Variants in GKAP1 observed in about 807,000 individuals in gnomAD.
The protein encoded by GKAP1 is G kinase-anchoring protein 1.
A neutral mutation model predicts 56.7 loss-of-function variants in GKAP1; 31 were observed. The ratio of observed to expected loss-of-function variants is 0.55; its 90% CI spans 0.41 to 0.74. The LOEUF (loss-of-function observed/expected upper bound fraction) is 0.74, where lower values mean the gene tolerates loss of function less well. GKAP1 is among the 30% of genes least tolerant of loss of function. The pLI is 0.00. For synonymous variants in GKAP1, 151 were observed against 138.6 expected (o/e 1.09, Z -0.63); for missense variants, 364 against 402.3 (o/e 0.90, Z 0.82).
At chr9:83,755,854 G>A (rs1170103287) in intron 8 of GKAP1, among the ~76,000 whole-genome samples, 1 of 139,286 alleles carries the variant, frequency 7.2e-6, no homozygotes, top group Non-Finnish European at 1.5e-5. Context: ...TCCCAGGCTA[G>A]AGTACGGTGG....
chr9:83,740,902 G>C (rs541493959), intron 12 of GKAP1, among the ~76,000 whole-genome samples: 1 of 151,912 alleles, frequency 6.6e-6, no homozygotes, highest in African/African-American at 2.4e-5. Flanking sequence ...AACAATACTC[G>C]CACATAAGAA....
At chr9:83,808,578 G>C (rs371924857) in intron 2 of GKAP1, among the ~76,000 whole-genome samples, 1 of 152,004 alleles carries the variant, frequency 6.6e-6, no homozygotes, top group East Asian at 1.9e-4. Flanking sequence ...CCTGAGCAAC[G>C]GAGTCAGACT....
intron 9 of GKAP1, among the ~76,000 whole-genome samples, chr9:83,752,033 T>C (rs1943398748): frequency 6.6e-6 from 1 of 152,136 alleles, no homozygotes; most frequent in African/African-American, 2.4e-5. Context: ...ACAAAATATA[T>C]ACACACAATG....
intron 5 of GKAP1, among the ~76,000 whole-genome samples, chr9:83,787,612 C>T (rs527861853): frequency 9.2e-5 from 14 of 152,286 alleles, no homozygotes; most frequent in African/African-American, 2.9e-4. Context: ...TTATGATCAA[C>T]CACTGAGTAA....
chr9:83,814,031 C>T (rs1944547961), intron 2 of GKAP1, among the ~76,000 whole-genome samples: 2 of 151,426 alleles, frequency 1.3e-5, no homozygotes, highest in Non-Finnish European at 2.9e-5. Flanking sequence ...GCCTGGGGGT[C>T]GAGGCTGTAG....
intron 12 of GKAP1, among the ~76,000 whole-genome samples, chr9:83,740,901 C>T (rs781313659): frequency 3.3e-5 from 5 of 151,998 alleles, no homozygotes; most frequent in Non-Finnish European, 7.4e-5. Context: ...AAACAATACT[C>T]GCACATAAGA....
chr9:83,788,922 T>C (rs937956769), intron 4 of GKAP1: 7 of 286,032 alleles, frequency 2.4e-5, no homozygotes, highest in East Asian at 2.3e-4. Flanking sequence ...ATATATGATA[T>C]AATCTTACTT....
intron 8 of GKAP1, 143 bp downstream of exon 8, chr9:83,768,675 C>A: frequency 4.4e-6 from 3 of 688,960 alleles, no homozygotes; most frequent in South Asian, 3.7e-5. Context: ...AATATAAATA[C>A]CTTTGCGTGA....
At chr9:83,751,557 A>G (rs1943389539) in intron 9 of GKAP1, among the ~76,000 whole-genome samples, 2 of 152,206 alleles carry the variant, frequency 1.3e-5, no homozygotes, top group African/African-American at 4.8e-5. Flanking sequence ...AGTAGGGATG[A>G]TTCTTAAAGG....
chr9:83,774,136 G>T (rs1943810945), intron 7 of GKAP1, among the ~76,000 whole-genome samples: 1 of 151,914 alleles, frequency 6.6e-6, no homozygotes, highest in African/African-American at 2.4e-5. Flanking sequence ...CTCCCAAAGT[G>T]CTGGGATTAC....
Position 83,774,702 on chromosome 9 carries a change from CTTTTTT to C in GKAP1, c.585+5674_585+5679del, listed in dbSNP as rs1168792305. On this transcript the variant is annotated intron_variant, in intron 7 of 12. Coordinates refer to ENST00000376371, the MANE Select transcript of GKAP1 (RefSeq NM_025211.4). ...GAAACTATCAATAAACAGAAACCCCCTTTTTTTTTTTTTTTTTTTTTTTTTTGAGAC... is the reference window on the plus strand; with the variant it reads ...GAAACTATCAATAAACAGAAACCCCCTTTTTTTTTTTTTTTTTTTTGAGAC... Among the ~76,000 whole-genome samples, 108 of 104,920 alleles carry C rather than the reference CTTTTTT, an allele frequency of 1.0e-3. 1 individual carries two copies. The highest frequency in any genetic ancestry group is 3.7e-3 in the African/African-American group (101 of 27,534). The allele number at this position is 104,920 out of a possible 152,430, so 68.8% of individuals were successfully genotyped here. A position where few individuals can be genotyped will look rare whatever the true frequency, so the allele number is the denominator to read the frequency against.
chr9:83,787,161 T>C (rs1944078812), intron 5 of GKAP1, among the ~76,000 whole-genome samples: 1 of 152,376 alleles, frequency 6.6e-6, no homozygotes. Flanking sequence ...GAAACACATA[T>C]AATATATACA....
intron 4 of GKAP1, among the ~76,000 whole-genome samples, chr9:83,797,039 AT>A (rs745637507): frequency 1.3e-5 from 2 of 152,212 alleles, no homozygotes; most frequent in Non-Finnish European, 2.9e-5. Context: ...CTTTTCTTCC[AT>A]TGATACAAGA....
chr9:83,813,582 G>T (rs527428118), intron 2 of GKAP1, among the ~76,000 whole-genome samples: 1 of 152,230 alleles, frequency 6.6e-6, no homozygotes, highest in South Asian at 2.1e-4. Context: ...TAGCAAAACC[G>T]TATCTCATAA....
chr9:83,774,151 G>A (rs956529390), intron 7 of GKAP1, among the ~76,000 whole-genome samples: 9 of 151,992 alleles, frequency 5.9e-5, no homozygotes, highest in South Asian at 4.2e-4. Context: ...GATTACAGGC[G>A]TGAGCCACTG....
At chr9:83,804,403 G>T (rs1441388732) in intron 3 of GKAP1, among the ~76,000 whole-genome samples, 4 of 130,866 alleles carry the variant, frequency 3.1e-5, no homozygotes, top group Admixed American at 7.4e-5. Flanking sequence ...GGTGGGGGGG[G>T]TCAGCCCCCC....
At chr9:83,804,842 A>T (rs1257114270) in intron 3 of GKAP1, among the ~76,000 whole-genome samples, 2 of 42,544 alleles carry the variant, frequency 4.7e-5, no homozygotes, top group Non-Finnish European at 8.4e-5. Flanking sequence ...TCCGGGAGGG[A>T]GGTGGGGGGT....
intron 10 of GKAP1, among the ~76,000 whole-genome samples, chr9:83,743,032 G>T (rs944362744): frequency 2.6e-5 from 4 of 151,768 alleles, no homozygotes; most frequent in African/African-American, 9.7e-5. Flanking sequence ...GTGTGGTGGC[G>T]CATGCCTGTA....
At chr9:83,748,017 T>C (rs1163871775) in intron 10 of GKAP1, among the ~76,000 whole-genome samples, 1 of 152,142 alleles carries the variant, frequency 6.6e-6, no homozygotes, top group Non-Finnish European at 1.5e-5. Flanking sequence ...CACATAATAA[T>C]CATATATATT....
Sources: gnomAD v4.1 joint callset for allele counts (sites outside exome capture counted in the v4.1 genomes callset) on GRCh38, gnomAD v4.1.1 for gene constraint, MANE v1.5 for transcripts, NCBI Gene and HGNC (gene_info 2026-07-23, HGNC 2026-07-21) for gene names.